Variants in CSMD3 observed in about 807,000 individuals in gnomAD.
The protein encoded by CSMD3 is CUB and sushi domain-containing protein 3.
A neutral mutation model predicts 435.2 loss-of-function variants in CSMD3; 177 were observed. The ratio of observed to expected loss-of-function variants is 0.41; its 90% CI spans 0.36 to 0.46. The LOEUF (loss-of-function observed/expected upper bound fraction) is 0.46. Among genes scored for constraint, CSMD3 ranks in the 20% least tolerant of loss-of-function variants. CSMD3 has a pLI of 0.34. For synonymous variants in CSMD3, 1,656 were observed against 1,520.5 expected, an observed-to-expected ratio of 1.09 and a Z score of -2.07; for missense variants, 4,265 against 4,504.6, an observed-to-expected ratio of 0.95 and a Z score of 1.52.
At chr8:113,346,884 A>T (rs548756693) in intron 1 of CSMD3, among the ~76,000 whole-genome samples, 34 of 152,220 alleles carry the variant, frequency 2.2e-4, no homozygotes, top group African/African-American at 8.2e-4. Context: ...AATGAATAAA[A>T]TACTGAGATT....
At chr8:112,694,510 A>AT (rs1428541641) in intron 13 of CSMD3, among the ~76,000 whole-genome samples, 3 of 152,030 alleles carry the variant, frequency 2.0e-5, no homozygotes, top group Admixed American at 6.6e-5. Flanking sequence ...TTGAAACTCT[A>AT]TTTTTTTCTT....
chr8:112,960,011 T>G (rs1050631052), intron 7 of CSMD3, among the ~76,000 whole-genome samples: 1 of 151,780 alleles, frequency 6.6e-6, no homozygotes, highest in African/African-American at 2.4e-5. Flanking sequence ...AGGAGTAGAA[T>G]TTGGGTGAAA....
chr8:112,394,860 T>C (rs1004760682), intron 35 of CSMD3, among the ~76,000 whole-genome samples: 10 of 152,216 alleles, frequency 6.6e-5, no homozygotes, highest in Non-Finnish European at 1.5e-4. Flanking sequence ...CAAAACTATG[T>C]CACCAGTGCT....
intron 23 of CSMD3, among the ~76,000 whole-genome samples, chr8:112,585,504 T>C (rs1250495411): frequency 6.6e-6 from 1 of 151,424 alleles, no homozygotes; most frequent in Non-Finnish European, 1.5e-5. Flanking sequence ...GTAGCACATA[T>C]CAGAAATGCA....
intron 65 of CSMD3, among the ~76,000 whole-genome samples, chr8:112,242,054 T>C (rs1814221844): frequency 6.6e-6 from 1 of 152,156 alleles, no homozygotes; most frequent in Non-Finnish European, 1.5e-5. Flanking sequence ...TTTATCATCT[T>C]GGGATGTCAT....
Position 113,156,238 on chromosome 8 carries a change from A to T in CSMD3, c.709+17484T>A, listed in dbSNP as rs189764229. ...GGTGCCTAGTGTGCCAAATAGAAATAGGTGGTAAGTTAAATTGGATACAAC... is the reference window on the plus strand; with the variant it reads ...GGTGCCTAGTGTGCCAAATAGAAATTGGTGGTAAGTTAAATTGGATACAAC... On this transcript the variant is annotated intron_variant, in intron 4 of 70. Transcript: ENST00000297405. Among the ~76,000 whole-genome samples the T allele has an allele frequency of 2.0e-5, 3 of 152,214 alleles. No individual in the cohort carries two copies. The East Asian group carries it at 5.8e-4, about 30-fold the overall frequency.
At chr8:112,520,325 A>G (rs943964600) in intron 27 of CSMD3, among the ~76,000 whole-genome samples, 1 of 152,038 alleles carries the variant, frequency 6.6e-6, no homozygotes. Context: ...TTTCATCCCC[A>G]TTTTTAAATG....
chr8:113,420,221 A>C (rs2129931534), intron 1 of CSMD3, among the ~76,000 whole-genome samples: 1 of 152,300 alleles, frequency 6.6e-6, no homozygotes, highest in Admixed American at 6.5e-5. Context: ...ACATCATATC[A>C]AACAAAACAC....
intron 32 of CSMD3, among the ~76,000 whole-genome samples, chr8:112,460,424 A>G (rs1817329302): frequency 6.6e-6 from 1 of 151,942 alleles, no homozygotes; most frequent in South Asian, 2.1e-4. Flanking sequence ...CACTAAGAAC[A>G]GCAAACATAC....
At chr8:113,304,916 A>ATAAT (rs2093806285) in intron 2 of CSMD3, among the ~76,000 whole-genome samples, 1 of 1,484 alleles carries the variant, frequency 6.7e-4, no homozygotes, top group Non-Finnish European at 1.4e-3. Context: ...AAGTATAATA[A>ATAAT]AAAAAAAAAA....
At chr8:112,297,537 T>A (rs1407791537) in intron 53 of CSMD3, among the ~76,000 whole-genome samples, 4 of 152,014 alleles carry the variant, frequency 2.6e-5, no homozygotes, top group Non-Finnish European at 5.9e-5. Flanking sequence ...CTATTCACGA[T>A]TAAAAACTGA....
At chr8:113,070,410 T>C (rs150356952) in intron 5 of CSMD3, among the ~76,000 whole-genome samples, 289 of 152,068 alleles carry the variant, frequency 1.9e-3, no homozygotes, top group African/African-American at 6.1e-3. Context: ...ATAATCCTGG[T>C]AGAATTTTTC....
intron 22 of CSMD3, among the ~76,000 whole-genome samples, chr8:112,620,139 C>T (rs1018549861): frequency 8.6e-5 from 13 of 151,876 alleles, no homozygotes; most frequent in African/African-American, 2.9e-4. Context: ...GACAACTGGC[C>T]CAATATCCTC....
intron 10 of CSMD3, among the ~76,000 whole-genome samples, chr8:112,894,465 T>C (rs1209692368): frequency 1.3e-5 from 2 of 151,358 alleles, no homozygotes; most frequent in African/African-American, 4.8e-5. Flanking sequence ...AATATCTGAT[T>C]TATAGTACTC....
In CSMD3 at chr8:113,047,439, G is replaced by A. The variant is rs547047140; in HGVS notation, c.918-28260C>T. ...AAAACAAAAGTGCTATTTGGTTTCA[G>A]TTATCCAAAGTCAACCACATAGACA... On this transcript the variant is annotated intron_variant, in intron 5 of 70. Coordinates refer to ENST00000297405, the MANE Select transcript of CSMD3 (RefSeq NM_198123.2). Among the ~76,000 whole-genome samples the A allele has an allele frequency of 2.0e-5, 3 of 152,238 alleles. No individual in the cohort carries two copies. In the South Asian group the frequency reaches 6.2e-4, roughly 32 times the overall value.
intron 4 of CSMD3, among the ~76,000 whole-genome samples, chr8:113,119,581 T>A (rs1190883971): frequency 6.6e-6 from 1 of 152,068 alleles, no homozygotes; most frequent in African/African-American, 2.4e-5. Context: ...ACCAAAGACA[T>A]AAAAACAAGC....
At chr8:112,273,815 A>G (rs1171966024) in intron 59 of CSMD3, among the ~76,000 whole-genome samples, 1 of 152,010 alleles carries the variant, frequency 6.6e-6, no homozygotes, top group African/African-American at 2.4e-5. Context: ...TGTCACCAAC[A>G]ATTTACTGAG....
intron 1 of CSMD3, among the ~76,000 whole-genome samples, chr8:113,349,304 T>C (rs2094173883): frequency 6.6e-6 from 1 of 152,158 alleles, no homozygotes; most frequent in African/African-American, 2.4e-5. Flanking sequence ...GAGGAGATTT[T>C]TCTCACTGTT....
At chr8:112,977,591 A>T (rs1055714684) in intron 6 of CSMD3, among the ~76,000 whole-genome samples, 5 of 152,056 alleles carry the variant, frequency 3.3e-5, no homozygotes, top group Non-Finnish European at 5.9e-5. Context: ...AGGCAAACAG[A>T]AAAGCCCATT....
Sources: allele counts gnomAD v4.1 joint callset (sites outside exome capture counted in the v4.1 genomes callset), GRCh38; gene constraint gnomAD v4.1.1; transcripts MANE v1.5; gene names NCBI Gene and HGNC (gene_info 2026-07-23, HGNC 2026-07-21).